Variants in MAEA observed in about 807,000 individuals in gnomAD.
MAEA encodes E3 ubiquitin-protein transferase MAEA.
A neutral mutation model predicts 46.2 loss-of-function variants in MAEA; 22 were observed. The observed-to-expected ratio is 0.48, with a 90% CI of 0.34 to 0.68. MAEA has a LOEUF of 0.68. Among genes scored for constraint, MAEA ranks in the 30% least tolerant of loss-of-function variants. The pLI is 0.01. For missense variants in MAEA, 393 were observed against 558.1 expected (o/e 0.70, Z 2.98); for synonymous variants, 246 against 222.6 (o/e 1.11, Z -0.94).
intron 1 of MAEA, among the ~76,000 whole-genome samples, chr4:1,294,542 G>A (rs1010682184): frequency 2.0e-5 from 3 of 148,404 alleles, no homozygotes; most frequent in Non-Finnish European, 2.9e-5. Flanking sequence ...CACCGCCGCC[G>A]GGCTGCAGAG....
At chr4:1,309,349 C>A in intron 1 of MAEA, 1 of 1,077,790 alleles carries the variant, frequency 9.3e-7, no homozygotes, top group South Asian at 4.4e-5. Context: ...GGGGCTCTTG[C>A]TAACCAGCCA....
At chr4:1,305,828 C>T (rs1034649936) in intron 1 of MAEA, among the ~76,000 whole-genome samples, 10 of 152,162 alleles carry the variant, frequency 6.6e-5, no homozygotes, top group South Asian at 2.1e-4. Flanking sequence ...AGCTAAGTCC[C>T]GAGCCGGAGA....
intron 7 of MAEA, 38 bp from the exon 8 acceptor site, chr4:1,338,384 C>G (rs763467468): frequency 6.4e-7 from 1 of 1,569,172 alleles, no homozygotes; most frequent in East Asian, 2.3e-5. Flanking sequence ...CCCGGCTGCC[C>G]TGAGTGGCCC....
intron 8 of MAEA, 58 bp downstream of exon 8, chr4:1,338,675 G>C (rs972170417): frequency 2.0e-6 from 3 of 1,502,012 alleles, no homozygotes; most frequent in Admixed American, 4.0e-5. Context: ...GGACAGGGCT[G>C]TGTGGGACGG....
At chr4:1,309,915 C>G (rs1736272860) in intron 1 of MAEA, 2 of 1,284,284 alleles carry the variant, frequency 1.6e-6, no homozygotes, top group Non-Finnish European at 2.0e-6. Flanking sequence ...CAGAAAGGCC[C>G]CGTTCCCGCG....
chr4:1,293,325 A>T (rs1202459782), intron 1 of MAEA, among the ~76,000 whole-genome samples: 1 of 152,104 alleles, frequency 6.6e-6, no homozygotes, highest in African/African-American at 2.4e-5. Flanking sequence ...CAGGAGATCC[A>T]GGCTGTGGTG....
intron 5 of MAEA, 166 bp from the exon 6 acceptor site, chr4:1,332,591 T>TCTGC (rs974428674): frequency 2.6e-5 from 15 of 566,124 alleles, no homozygotes; most frequent in Non-Finnish European, 4.5e-5. Flanking sequence ...GTGCTGCACA[T>TCTGC]CTGCGGTCTC....
At chr4:1,293,998 G>A (rs746679619) in intron 1 of MAEA, among the ~76,000 whole-genome samples, 1 of 152,224 alleles carries the variant, frequency 6.6e-6, no homozygotes, top group Non-Finnish European at 1.5e-5. Context: ...AGGCAACCAC[G>A]AAGCGTTTGA....
At chr4:1,305,855 T>C (rs933086590) in intron 1 of MAEA, among the ~76,000 whole-genome samples, 1 of 152,132 alleles carries the variant, frequency 6.6e-6, no homozygotes, top group Non-Finnish European at 1.5e-5. Flanking sequence ...AGAGCTGAAA[T>C]GTAGTTCCAG....
At position 1,338,477 on chromosome 4, in the gene MAEA, C is replaced by T. The variant is rs567814674; in HGVS notation, c.955C>T (p.Arg319Cys). 3.5e-5 allele frequency: 57 copies of T among 1,613,142 alleles called. No individual in the cohort carries two copies. Among genetic ancestry groups the T allele is most frequent in the Admixed American group, 2.2e-4 (13 of 60,020 alleles). Residue 319 changes from arginine (R) to cysteine (C), a missense_variant, in exon 8 of 9, where the codon CGC becomes TGC. Arg to Cys is a radical substitution (Grantham distance 180). Around this residue, in one of 2 missense-constraint regions of MAEA, gnomAD observed 358 missense variants for 537.9 expected, o/e 0.67. Coordinates refer to ENST00000303400, the MANE Select transcript of MAEA (RefSeq NM_001017405.3). Reference sequence around the variant, plus strand: ...GAGCCCTGACTGCCCTGTGTGCAGCCGCTCCCTGAACAAGCTGGCGCAGCC... The same window carrying T: ...GAGCCCTGACTGCCCTGTGTGCAGCTGCTCCCTGAACAAGCTGGCGCAGCC... The part of the protein sequence containing the change: ...SKSPDCPVCS[R>C]SLNKLAQPLP...
At chr4:1,315,690 G>A in intron 3 of MAEA, 90 bp downstream of exon 3, 1 of 1,282,106 alleles carries the variant, frequency 7.8e-7, no homozygotes, top group Non-Finnish European at 1.1e-6. Context: ...GCATGCCTGT[G>A]TCCCTACATG....
intron 1 of MAEA, among the ~76,000 whole-genome samples, chr4:1,308,565 G>A (rs1424705453): frequency 1.3e-5 from 2 of 152,238 alleles, no homozygotes; most frequent in East Asian, 1.9e-4. Context: ...CCGCTGCTCC[G>A]CTTCCTGCCG....
At chr4:1,306,767 T>A (rs1735875796) in intron 1 of MAEA, among the ~76,000 whole-genome samples, 1 of 152,266 alleles carries the variant, frequency 6.6e-6, no homozygotes, top group Non-Finnish European at 1.5e-5. Flanking sequence ...AATTGTTGCC[T>A]GTCTCAAGGA....
At chr4:1,291,002 G>T (rs1734052323) in intron 1 of MAEA, among the ~76,000 whole-genome samples, 1 of 151,708 alleles carries the variant, frequency 6.6e-6, no homozygotes, top group Non-Finnish European at 1.5e-5. Flanking sequence ...TGTCACCTCA[G>T]GGTGAAATGA....
intron 6 of MAEA, chr4:1,335,716 T>C (rs968587875): frequency 2.6e-5 from 26 of 984,588 alleles, no homozygotes; most frequent in Admixed American, 1.2e-4. Context: ...AAGTCAGCAC[T>C]GGCCCCACAG....
intron 1 of MAEA, among the ~76,000 whole-genome samples, chr4:1,296,370 C>T (rs1430124634): frequency 1.8e-5 from 2 of 108,590 alleles, no homozygotes; most frequent in South Asian, 7.5e-4. Flanking sequence ...CCTGTGCCCC[C>T]CTCACCTGTG....
chr4:1,322,349 A>G (rs368761980), intron 3 of MAEA, 32 bp from the exon 4 acceptor site: 12 of 1,611,752 alleles, frequency 7.4e-6, no homozygotes, highest in African/African-American at 6.7e-5. Flanking sequence ...GAGCCAGCAC[A>G]TTCTGATCAG....
At chr4:1,334,362 C>T (rs969026712) in intron 6 of MAEA, among the ~76,000 whole-genome samples, 1 of 123,496 alleles carries the variant, frequency 8.1e-6, no homozygotes, top group East Asian at 2.3e-4. Flanking sequence ...GACCTGCTGC[C>T]TTCTGAAAGC....
At chr4:1,308,369 T>C (rs1178191308) in intron 1 of MAEA, among the ~76,000 whole-genome samples, 2 of 152,222 alleles carry the variant, frequency 1.3e-5, no homozygotes, top group African/African-American at 4.8e-5. Context: ...CCCCTGGTGA[T>C]GGACATGTGG....
Sources: gnomAD v4.1 joint callset for allele counts (sites outside exome capture counted in the v4.1 genomes callset) on GRCh38, gnomAD v4.1.1 for gene constraint, gnomAD v4.1.1 regional missense constraint, MANE v1.5 for transcripts, NCBI Gene and HGNC (gene_info 2026-07-23, HGNC 2026-07-21) for gene names.